PRRX2: variants seen among roughly 807,000 people sequenced by gnomAD.
PRRX2 encodes the protein paired mesoderm homeobox protein 2.
A neutral mutation model predicts 18.0 loss-of-function variants in PRRX2; 11 were observed. The observed-to-expected ratio is 0.61, with a 90% confidence interval of 0.39 to 1.01. PRRX2 has a LOEUF of 1.01. Among genes scored for constraint, PRRX2 ranks in the 50% least tolerant of loss-of-function variants. PRRX2 has a pLI of 0.01. For synonymous variants in PRRX2, 177 were observed against 154.8 expected (o/e 1.14, Z -1.06); for missense variants, 387 against 351.0 (o/e 1.10, Z -0.82).
chr9:129,673,751 G>A, intron 1 of PRRX2, among the ~76,000 whole-genome samples: 1 of 152,132 alleles, frequency 6.6e-6, no homozygotes, highest in East Asian at 1.9e-4. Context: ...TAGTGGTCAG[G>A]GTGGCCGCAG....
chr9:129,675,534 C>G lies in PRRX2; in HGVS notation c.259+9408C>G, dbSNP rs369996569. Among the ~76,000 whole-genome samples the G allele has an allele frequency of 3.4e-4, 51 of 152,050 alleles. No homozygotes were observed. In the South Asian group the frequency reaches 8.3e-3, roughly 25 times the overall value. ...CCCTCCCTCCCCCATGGGGTCCCCT[C>G]AAAGGGCTCTCTTGGGGATGGGGAT... is the stretch of plus-strand genomic sequence containing the variant. On this transcript the variant is annotated intron_variant, in intron 1 of 3. Transcript: ENST00000372469. This position sits in a 1 kb window ranked among gnomAD's most constrained non-coding sequence, Gnocchi z 4.4.
chr9:129,680,731 C>T (rs1311219353), intron 1 of PRRX2, among the ~76,000 whole-genome samples: 1 of 152,072 alleles, frequency 6.6e-6, no homozygotes, highest in Non-Finnish European at 1.5e-5. Flanking sequence ...AGATCCCTCT[C>T]CCCTGCCCAG....
At chr9:129,677,546 C>T (rs940542299) in intron 1 of PRRX2, among the ~76,000 whole-genome samples, 2 of 152,208 alleles carry the variant, frequency 1.3e-5, no homozygotes, top group African/African-American at 4.8e-5. Flanking sequence ...CTGAGGAAGG[C>T]CCCCCTCCAA....
chr9:129,669,158 C>CTTTT (rs10632892), intron 1 of PRRX2, among the ~76,000 whole-genome samples: 103 of 150,432 alleles, frequency 6.8e-4, no homozygotes, highest in Middle Eastern at 3.4e-3. Context: ...CAGGCTCAAA[C>CTTTT]TTTTTTTAAT....
intron 1 of PRRX2, among the ~76,000 whole-genome samples, chr9:129,702,025 C>T (rs890747905): frequency 3.3e-5 from 5 of 152,084 alleles, no homozygotes; most frequent in Admixed American, 6.6e-5. Context: ...CGCTTGAACC[C>T]GGGAGGCAGA....
chr9:129,684,811 T>C (rs1832283839), intron 1 of PRRX2, among the ~76,000 whole-genome samples: 1 of 152,208 alleles, frequency 6.6e-6, no homozygotes, highest in Non-Finnish European at 1.5e-5. Flanking sequence ...TCATGTATTG[T>C]CTCACCTAAT....
Position 129,697,695 on chromosome 9 carries a change from C to A in PRRX2, c.260-21536C>A, listed in dbSNP as rs544236912. Among the ~76,000 whole-genome samples, 8 of 152,144 alleles carry A rather than the reference C, an allele frequency of 5.3e-5. No individual in the cohort carries two copies. In the South Asian group the frequency reaches 1.7e-3, roughly 31 times the overall value. On this transcript the variant is annotated intron_variant, in intron 1 of 3. Transcript: ENST00000372469. ...CTCCCCGTCCAGATGGGAAAGCCAC[C>A]CACGAGACGGGTGGGGTCCGCCTCG...
chr9:129,668,422 G>A (rs1401041684), intron 1 of PRRX2, among the ~76,000 whole-genome samples: 3 of 152,122 alleles, frequency 2.0e-5, no homozygotes, highest in Non-Finnish European at 4.4e-5. Flanking sequence ...CCCTCACCAC[G>A]GATCCAGACA....
rs888286435 is a variant in PRRX2, at chr9:129,675,898, C to T, written c.259+9772C>T. On this transcript the variant is annotated intron_variant, in intron 1 of 3. Coordinates refer to ENST00000372469, the MANE Select transcript of PRRX2 (RefSeq NM_016307.4). This position sits in a 1 kb window ranked among gnomAD's most constrained non-coding sequence, Gnocchi z 4.4. ...CGCCGAGGTCTTGAAAGCCAGTGCA[C>T]CTCCTTTCATTAGACTAACAAATAA... 6.6e-6 allele frequency among the ~76,000 whole-genome samples: 1 copy of T among 152,184 alleles called. No individual in the cohort carries two copies. Among genetic ancestry groups the T allele is most frequent in the Non-Finnish European group, 1.5e-5 (1 of 68,022 alleles).
intron 1 of PRRX2, among the ~76,000 whole-genome samples, chr9:129,717,695 C>CAAAAA (rs568330077): frequency 1.5e-4 from 12 of 82,502 alleles, no homozygotes; most frequent in East Asian, 3.1e-4. Context: ...GACTCCGCCT[C>CAAAAA]AAAAAAAAAA....
At chr9:129,666,981 C>T (rs866852445) in intron 1 of PRRX2, among the ~76,000 whole-genome samples, 1 of 152,188 alleles carries the variant, frequency 6.6e-6, no homozygotes, top group Non-Finnish European at 1.5e-5. Flanking sequence ...CCCACCCGCC[C>T]CGGGGGACCC....
intron 1 of PRRX2, among the ~76,000 whole-genome samples, chr9:129,666,921 G>T (rs1832033475): frequency 6.6e-6 from 1 of 152,238 alleles, no homozygotes; most frequent in South Asian, 2.1e-4. Context: ...GGGCCGGCCT[G>T]CTGGGGGCTC....
intron 1 of PRRX2, among the ~76,000 whole-genome samples, chr9:129,699,430 A>AT (rs1554724066): frequency 1.2e-3 from 174 of 143,960 alleles, no homozygotes; most frequent in East Asian, 8.0e-3. Context: ...TCTCAAAAAA[A>AT]ATATATATAT....
chr9:129,711,572 A>AT (rs1198656634), intron 1 of PRRX2, among the ~76,000 whole-genome samples: 1 of 151,454 alleles, frequency 6.6e-6, no homozygotes, highest in Non-Finnish European at 1.5e-5. Flanking sequence ...CACCCAGTTA[A>AT]TTTTTTTGTA....
intron 1 of PRRX2, among the ~76,000 whole-genome samples, chr9:129,718,868 G>A (rs1832748902): frequency 1.3e-5 from 2 of 152,186 alleles, no homozygotes; most frequent in Non-Finnish European, 2.9e-5. Flanking sequence ...TGTCTCCTGA[G>A]CCCTCCTTGA....
intron 1 of PRRX2, among the ~76,000 whole-genome samples, chr9:129,677,958 CTTTT>C (rs760645440): frequency 7.1e-5 from 8 of 113,116 alleles, no homozygotes; most frequent in South Asian, 5.4e-4. Flanking sequence ...TTCTTTCTTT[CTTTT>C]TTTTTTTTTT....
At chr9:129,704,819 A>G (rs1403044881) in intron 1 of PRRX2, among the ~76,000 whole-genome samples, 1 of 152,118 alleles carries the variant, frequency 6.6e-6, no homozygotes, top group African/African-American at 2.4e-5. Context: ...CGAAGTCAAC[A>G]TCTTTGTGCC....
chr9:129,680,743 C>A (rs1269768997), intron 1 of PRRX2, among the ~76,000 whole-genome samples: 3 of 152,186 alleles, frequency 2.0e-5, no homozygotes, highest in Non-Finnish European at 4.4e-5. Context: ...CCTGCCCAGC[C>A]CTGCCTGGCG....
intron 1 of PRRX2, among the ~76,000 whole-genome samples, chr9:129,698,609 G>A (rs952541777): frequency 6.6e-6 from 1 of 152,232 alleles, no homozygotes; most frequent in African/African-American, 2.4e-5. Context: ...CCTGCTAGGC[G>A]CGTGTGGGCA....
Sources: gnomAD v4.1 joint callset for allele counts (sites outside exome capture counted in the v4.1 genomes callset) on GRCh38, gnomAD v4.1.1 for gene constraint, Gnocchi (gnomAD v3.1) non-coding constraint, MANE v1.5 for transcripts, NCBI Gene and HGNC (gene_info 2026-07-23, HGNC 2026-07-21) for gene names.